Variants in CNR2 observed in about 807,000 individuals in gnomAD.
CNR2 encodes cannabinoid receptor 2, also known as cannabinoid receptor 2 (macrophage).
For missense variants in CNR2, 379 were observed against 439.9 expected (o/e 0.86, Z 1.24); for synonymous variants, 172 against 182.2 (o/e 0.94, Z 0.45).
At chr1:23,911,441 G>A (rs74065438) in intron 1 of CNR2, among the ~76,000 whole-genome samples, 5,369 of 152,166 alleles carry the variant, frequency 0.035, 292 homozygotes, top group African/African-American at 0.12. Flanking sequence ...GGCATCCATC[G>A]TAGGAGGACC....
intron 1 of CNR2, among the ~76,000 whole-genome samples, chr1:23,893,522 T>C (rs1014268109): frequency 6.6e-6 from 1 of 152,222 alleles, no homozygotes; most frequent in Non-Finnish European, 1.5e-5. Flanking sequence ...AAGCAGGAGA[T>C]TGGTTGCCTG....
chr1:23,878,679 C>G (rs909321582), intron 1 of CNR2, among the ~76,000 whole-genome samples: 5 of 152,016 alleles, frequency 3.3e-5, no homozygotes, highest in African/African-American at 1.2e-4. Context: ...ACACCCAGCC[C>G]CAAGTAGAAT....
chr1:23,901,704 T>C, intron 1 of CNR2: 1 of 1,415,894 alleles, frequency 7.1e-7, no homozygotes, highest in African/African-American at 1.4e-5. Flanking sequence ...TTACTGGATC[T>C]GTCCGACATG....
chr1:23,892,380 T>C (rs1640206378), intron 1 of CNR2, among the ~76,000 whole-genome samples: 1 of 151,952 alleles, frequency 6.6e-6, no homozygotes. Flanking sequence ...GGCAAAGGAG[T>C]TGTTTCCTGA....
chr1:23,878,415 T>C (rs896996692), intron 1 of CNR2, among the ~76,000 whole-genome samples: 1 of 149,382 alleles, frequency 6.7e-6, no homozygotes, highest in Non-Finnish European at 1.5e-5. Flanking sequence ...ACTATTCAGA[T>C]TTGGAAATCA....
At chr1:23,879,024 G>A (rs141215336) in intron 1 of CNR2, among the ~76,000 whole-genome samples, 4 of 152,228 alleles carry the variant, frequency 2.6e-5, no homozygotes, top group African/African-American at 7.2e-5. Flanking sequence ...AGAAAAGAAC[G>A]GCAAGAAAGA....
In CNR2 at chr1:23,873,848, C is replaced by T. The variant is rs1639810214; in HGVS notation, c.*687G>A. 1 of 152,148 alleles carries T rather than the reference C, an allele frequency of 6.6e-6. No individual in the cohort carries two copies. The highest frequency in any genetic ancestry group is 6.5e-5 in the Admixed American group (1 of 15,270). The allele number at this position is 152,148 out of a possible 1,614,324, so 9.4% of individuals were successfully genotyped here. A position where few individuals can be genotyped will look rare whatever the true frequency, so the allele number is the denominator to read the frequency against. On this transcript the variant is annotated 3_prime_UTR_variant, in exon 2 of 2. Transcript: ENST00000374472. ...ACTTCAGAGGGTCAAGAAAATTCTC[C>T]AAAGATTTTTGTGTCTCAGGCGATC...
At chr1:23,883,607 C>T (rs1191874995) in intron 1 of CNR2, among the ~76,000 whole-genome samples, 1 of 152,168 alleles carries the variant, frequency 6.6e-6, no homozygotes, top group East Asian at 1.9e-4. Flanking sequence ...GGCGAATTGC[C>T]TGAGCTCAGG....
chr1:23,888,586 T>A (rs916333244), intron 1 of CNR2, among the ~76,000 whole-genome samples: 5 of 152,172 alleles, frequency 3.3e-5, no homozygotes, highest in Admixed American at 3.3e-4. Context: ...CACCGATGCA[T>A]GCAAAAACAT....
intron 1 of CNR2, among the ~76,000 whole-genome samples, chr1:23,905,344 T>C (rs1247428589): frequency 6.6e-6 from 1 of 151,492 alleles, no homozygotes; most frequent in Non-Finnish European, 1.5e-5. Context: ...CCACGCCAGC[T>C]AGCTTTTGTA....
At chr1:23,883,550 C>A (rs1377571569) in intron 1 of CNR2, among the ~76,000 whole-genome samples, 1 of 152,140 alleles carries the variant, frequency 6.6e-6, no homozygotes, top group Admixed American at 6.6e-5. Context: ...TTAGGCCGGG[C>A]GTGGTAGCTC....
intron 1 of CNR2, among the ~76,000 whole-genome samples, chr1:23,882,888 T>A (rs12733278): frequency 6.6e-6 from 1 of 151,860 alleles, no homozygotes; most frequent in African/African-American, 2.4e-5. Flanking sequence ...ATCATGCAAC[T>A]CATGAAATTA....
At chr1:23,881,508 G>A (rs931929420) in intron 1 of CNR2, among the ~76,000 whole-genome samples, 3 of 151,444 alleles carry the variant, frequency 2.0e-5, no homozygotes, top group Non-Finnish European at 4.4e-5. Flanking sequence ...CAGGAGAATC[G>A]TTTGAACCTA....
At chr1:23,894,644 ATAAT>A (rs1406803306) in intron 1 of CNR2, among the ~76,000 whole-genome samples, 15 of 146,912 alleles carry the variant, frequency 1.0e-4, no homozygotes, top group Admixed American at 1.4e-4. Flanking sequence ...TGTATTATAA[ATAAT>A]AATAATAAAA....
intron 1 of CNR2, chr1:23,907,861 A>G (rs1640521467): frequency 6.6e-6 from 1 of 151,754 alleles, no homozygotes; most frequent in African/African-American, 2.4e-5. Flanking sequence ...TATAAATTAA[A>G]TGATATCAGA....
intron 1 of CNR2, chr1:23,901,435 T>C: frequency 6.6e-7 from 1 of 1,512,340 alleles, no homozygotes; most frequent in Non-Finnish European, 8.9e-7. Flanking sequence ...TTCCCCTCCA[T>C]CCACTCGCCG....
In CNR2 at chr1:23,911,934, G is replaced by A. The variant is rs557108504; in HGVS notation, c.-46+1312C>T. On this transcript the variant is annotated intron_variant, in intron 1 of 1. Transcript: ENST00000374472. ...CCATCCTGGTTTTCATGCTGCCAAC[G>A]TGTCTACTTGCCACTCATTCCAGGG... Among the ~76,000 whole-genome samples the A allele has an allele frequency of 5.3e-5, 8 of 152,204 alleles. No homozygotes were observed. The East Asian group carries it at 9.7e-4, about 18-fold the overall frequency.
intron 1 of CNR2, among the ~76,000 whole-genome samples, chr1:23,879,899 C>T (rs192787356): frequency 1.3e-5 from 2 of 152,270 alleles, no homozygotes; most frequent in African/African-American, 4.8e-5. Flanking sequence ...CCAAACCCTG[C>T]ATAGCTCCCT....
intron 1 of CNR2, among the ~76,000 whole-genome samples, chr1:23,900,233 C>T (rs1397641831): frequency 6.6e-6 from 1 of 152,100 alleles, no homozygotes; most frequent in Non-Finnish European, 1.5e-5. Context: ...GGCCAATCAG[C>T]ACTCCTGGCT....
Sources: gnomAD v4.1 joint callset for allele counts (sites outside exome capture counted in the v4.1 genomes callset) on GRCh38, gnomAD v4.1.1 for gene constraint, MANE v1.5 for transcripts, NCBI Gene and HGNC (gene_info 2026-07-23, HGNC 2026-07-21) for gene names.